The following CADPS variants were observed in gnomAD, a reference collection of about 807,000 sequenced individuals.
The protein encoded by CADPS is calcium-dependent secretion activator 1.
A neutral mutation model predicts 167.3 loss-of-function variants in CADPS; 57 were observed. The observed-to-expected ratio is 0.34, with a 90% CI of 0.28 to 0.42. The LOEUF is 0.42. Ranked by LOEUF, CADPS falls within the 20% of genes least tolerant of loss-of-function variation. The probability of loss-of-function intolerance (pLI) is 1.00; values close to 1 mark genes in which losing one functional copy is unlikely to be tolerated. For synonymous variants in CADPS, 676 were observed against 635.3 expected, an observed-to-expected ratio of 1.06 and a Z score of -0.96; for missense variants, 1,414 against 1,738.1, an observed-to-expected ratio of 0.81 and a Z score of 3.32.
At chr3:62,718,112 C>T (rs1344909108) in intron 3 of CADPS, among the ~76,000 whole-genome samples, 1 of 151,930 alleles carries the variant, frequency 6.6e-6, no homozygotes, top group African/African-American at 2.4e-5. Context: ...TCTTCTTTTA[C>T]TTATTTCATA....
At chr3:62,626,718 C>A in intron 6 of CADPS, 2 of 544,572 alleles carry the variant, frequency 3.7e-6, no homozygotes, top group South Asian at 2.6e-5. Context: ...ATGGTTTTTA[C>A]TGAAGTTATT....
At chr3:62,718,626 T>C (rs1416651331) in intron 3 of CADPS, among the ~76,000 whole-genome samples, 1 of 152,146 alleles carries the variant, frequency 6.6e-6, no homozygotes, top group Non-Finnish European at 1.5e-5. Context: ...GTGGGCTCAG[T>C]AGGTTGAGTC....
At chr3:62,408,337 A>T (rs780465054) in intron 28 of CADPS, among the ~76,000 whole-genome samples, 10 of 152,190 alleles carry the variant, frequency 6.6e-5, no homozygotes, top group Non-Finnish European at 1.2e-4. Flanking sequence ...TTTTGATTTT[A>T]TAAAAATGTT....
chr3:62,527,595 T>G (rs2072615057), intron 13 of CADPS, among the ~76,000 whole-genome samples: 1 of 152,168 alleles, frequency 6.6e-6, no homozygotes, highest in African/African-American at 2.4e-5. Context: ...TTGACTACAG[T>G]AACTGTGATT....
At chr3:62,829,229 A>G (rs1458247488) in intron 1 of CADPS, among the ~76,000 whole-genome samples, 1 of 152,196 alleles carries the variant, frequency 6.6e-6, no homozygotes, top group Non-Finnish European at 1.5e-5. Context: ...CATGGATCAA[A>G]AATATTTTTA....
intron 6 of CADPS, among the ~76,000 whole-genome samples, chr3:62,621,009 G>A (rs1411590344): frequency 2.0e-5 from 3 of 152,178 alleles, no homozygotes; most frequent in Non-Finnish European, 4.4e-5. Context: ...CATTTCATCT[G>A]TAAAGTGAGA....
intron 7 of CADPS, 118 bp downstream of exon 7, chr3:62,592,519 A>C: frequency 2.7e-6 from 2 of 728,324 alleles, no homozygotes; most frequent in Non-Finnish European, 4.8e-6. Flanking sequence ...CCAGGACTTA[A>C]TGTTCAAAAC....
At chr3:62,725,100 G>A (rs369297558) in intron 3 of CADPS, among the ~76,000 whole-genome samples, 23 of 152,102 alleles carry the variant, frequency 1.5e-4, no homozygotes, top group Non-Finnish European at 2.6e-4. Context: ...TACCAGCCTC[G>A]GAATTCCCAA....
At chr3:62,519,040 T>C (rs2069743482) in intron 13 of CADPS, among the ~76,000 whole-genome samples, 1 of 152,184 alleles carries the variant, frequency 6.6e-6, no homozygotes, top group Non-Finnish European at 1.5e-5. Context: ...ACATATATAC[T>C]CTATTTGTTA....
intron 1 of CADPS, among the ~76,000 whole-genome samples, chr3:62,836,241 A>C (rs1234613695): frequency 2.0e-5 from 3 of 152,186 alleles, no homozygotes; most frequent in Non-Finnish European, 4.4e-5. Flanking sequence ...TTCTCAGGGA[A>C]CTTTTTAAAT....
intron 1 of CADPS, among the ~76,000 whole-genome samples, chr3:62,871,072 T>C (rs899661303): frequency 6.6e-6 from 1 of 152,156 alleles, no homozygotes; most frequent in Non-Finnish European, 1.5e-5. Context: ...TGTAACATAA[T>C]ATATCGGTAA....
At chr3:62,800,952 CAG>C (rs933908590) in intron 1 of CADPS, among the ~76,000 whole-genome samples, 5 of 152,086 alleles carry the variant, frequency 3.3e-5, no homozygotes, top group African/African-American at 1.2e-4. Flanking sequence ...CAGGGGAAAA[CAG>C]AGCTTAGCTA....
At chr3:62,500,854 G>T (rs2065655108) in intron 17 of CADPS, among the ~76,000 whole-genome samples, 1 of 152,098 alleles carries the variant, frequency 6.6e-6, no homozygotes, top group Admixed American at 6.6e-5. Flanking sequence ...CTTACGTAAT[G>T]AACATATCAG....
intron 6 of CADPS, among the ~76,000 whole-genome samples, chr3:62,623,950 T>C (rs575753112): frequency 6.0e-4 from 52 of 87,252 alleles, no homozygotes; most frequent in African/African-American, 1.9e-3. Context: ...TTTTTTTTTC[T>C]GGTTGTCACC....
chr3:62,445,795 C>T lies in CADPS; in HGVS notation c.3639G>A (p.Val1213=). 6.6e-7 allele frequency: 1 copy of T among 1,516,432 alleles called. No individual in the cohort carries two copies. Among genetic ancestry groups the T allele is most frequent in the Non-Finnish European group, 8.8e-7 (1 of 1,142,450 alleles). The allele number at this position is 1,516,432 out of a possible 1,614,324, so 93.9% of individuals were successfully genotyped here. The change falls in exon 27 of 30, where the codon GTG becomes GTA. Residue 1213 remains valine, a splice_region_variant and synonymous_variant. Coordinates refer to ENST00000383710, the MANE Select transcript of CADPS (RefSeq NM_003716.4). ...CATCCACATATTTGGAAGCTGCCTT[C>T]ACCTAAAGAGGAAAGAAGAGGATGG... ...TLFSSFLSFT[V]KAASKYVDVP... is the part of the protein sequence containing the mutation.
intron 4 of CADPS, among the ~76,000 whole-genome samples, chr3:62,654,599 G>A (rs2150294137): frequency 1.3e-5 from 2 of 152,278 alleles, no homozygotes; most frequent in South Asian, 4.1e-4. Flanking sequence ...GAGAGTGAAG[G>A]GAAGAGTGAG....
chr3:62,416,251 T>G (rs1467860567), intron 28 of CADPS, among the ~76,000 whole-genome samples: 1 of 152,192 alleles, frequency 6.6e-6, no homozygotes, highest in African/African-American at 2.4e-5. Context: ...AAGAACATAG[T>G]AATCCTACCT....
chr3:62,447,551 A>T (rs956277419), intron 26 of CADPS, among the ~76,000 whole-genome samples: 1 of 152,150 alleles, frequency 6.6e-6, no homozygotes. Context: ...ACCAGCTTAG[A>T]AAGGAAACTC....
chr3:62,533,120 A>G (rs2074046937), intron 12 of CADPS, 62 bp from the exon 13 acceptor site: 2 of 1,463,046 alleles, frequency 1.4e-6, no homozygotes, highest in African/African-American at 1.4e-5. Context: ...GAGAGCTGCT[A>G]GAGTTGGGAG....
Sources: allele counts gnomAD v4.1 joint callset (sites outside exome capture counted in the v4.1 genomes callset), GRCh38; gene constraint gnomAD v4.1.1; transcripts MANE v1.5; gene names NCBI Gene and HGNC (gene_info 2026-07-23, HGNC 2026-07-21).